The following ARHGEF10 variants were observed in gnomAD, a reference collection of about 807,000 sequenced individuals.
ARHGEF10 encodes Rho guanine nucleotide exchange factor 10, also known as Rho guanine nucleotide exchange factor (GEF) 10.
ARHGEF10 carries 140 observed loss-of-function variants against 147.4 expected under a neutral mutation model. The observed-to-expected ratio is 0.95, with a 90% CI of 0.83 to 1.09. The LOEUF (loss-of-function observed/expected upper bound fraction) is 1.09. Ranked by LOEUF, ARHGEF10 falls within the 50% of genes least tolerant of loss-of-function variation. The probability of loss-of-function intolerance (pLI) is 0.00; values close to 1 mark genes in which losing one functional copy is unlikely to be tolerated. For missense variants in ARHGEF10, 2,222 were observed against 1,752.7 expected (o/e 1.27, Z -4.78); for synonymous variants, 902 against 695.8 (o/e 1.30, Z -4.67).
chr8:1,830,296 T>TCATTTCCC (rs1563144799), intron 1 of ARHGEF10, among the ~76,000 whole-genome samples: 1 of 152,180 alleles, frequency 6.6e-6, no homozygotes. Context: ...CCCAGGCGGC[T>TCATTTCCC]GTCCTTGGTG....
intron 8 of ARHGEF10, among the ~76,000 whole-genome samples, chr8:1,877,237 CT>C (rs989170523): frequency 1.3e-5 from 2 of 151,786 alleles, no homozygotes; most frequent in African/African-American, 4.8e-5. Flanking sequence ...TTTTCTTTTT[CT>C]TTTTTTTGAG....
intron 2 of ARHGEF10, among the ~76,000 whole-genome samples, chr8:1,854,719 AAGTG>A (rs1805418834): frequency 6.6e-6 from 1 of 152,128 alleles, no homozygotes; most frequent in Non-Finnish European, 1.5e-5. Flanking sequence ...CTAGGGGAAA[AAGTG>A]AGTTATTTTG....
In ARHGEF10 at chr8:1,882,622, C is replaced by G; in HGVS notation, c.961-13C>G. The G allele has an allele frequency of 2.6e-6, 4 of 1,549,970 alleles. No individual in the cohort carries two copies. The highest frequency in any genetic ancestry group is 1.4e-5 in the African/African-American group (1 of 73,188). The stretch of plus-strand genomic sequence containing the variant: ...GCCGCCGTCCCGTTCTCACATCTCC[C>G]TCTCCGTCGCAGATGCAGAAGCTCG... On this transcript the variant is annotated splice_polypyrimidine_tract_variant and intron_variant, in intron 9 of 28. Coordinates refer to ENST00000349830, the MANE Select transcript of ARHGEF10 (RefSeq NM_014629.4).
intron 4 of ARHGEF10, among the ~76,000 whole-genome samples, chr8:1,863,030 G>A (rs546542632): frequency 9.2e-5 from 14 of 152,082 alleles, no homozygotes; most frequent in African/African-American, 2.9e-4. Flanking sequence ...TGATCCGCCC[G>A]CCTCAGCCTC....
chr8:1,933,149 G>T (rs535584258), intron 25 of ARHGEF10, among the ~76,000 whole-genome samples: 2 of 152,304 alleles, frequency 1.3e-5, no homozygotes, highest in African/African-American at 4.8e-5. Context: ...CTTCAAGAAA[G>T]GGAACAAATT....
chr8:1,923,904 G>A (rs748186441), intron 21 of ARHGEF10, 30 bp downstream of exon 21: 1 of 1,601,224 alleles, frequency 6.2e-7, no homozygotes, highest in Admixed American at 1.7e-5. Context: ...GGCTGAATGA[G>A]GCATGCGGCG....
intron 1 of ARHGEF10, among the ~76,000 whole-genome samples, chr8:1,839,339 AGGGACTGTCTGGTGTG>A (rs1803803208): frequency 1.8e-4 from 6 of 34,180 alleles, no homozygotes; most frequent in African/African-American, 6.1e-4. Flanking sequence ...TGTCTGGTGT[AGGGACTGTCTGGTGTG>A]GGGACTGTCT....
At position 1,876,746 on chromosome 8, in the gene ARHGEF10, C is replaced by T; in HGVS notation, c.843+12C>T. 1.2e-6 allele frequency: 2 copies of T among 1,614,034 alleles called. No homozygotes were observed. Among genetic ancestry groups the T allele is most frequent in the Non-Finnish European group, 1.7e-6 (2 of 1,179,942 alleles). ...ACCACAAAAAGCAAGTACGTGTTCC[C>T]TGCACATGTGAGGGATGGTTCTCTC... On this transcript the variant is annotated intron_variant, in intron 8 of 28. Transcript: ENST00000349830.
rs1181158832 is a variant in ARHGEF10 at position 1,893,584 on chromosome 8, A to G, written c.1198A>G (p.Ile400Val). ...LSQQQVVRRY[I>V]LGSVVDSEKN... Reference sequence around the variant, plus strand: ...TTTCCAACAGGTTGTAAGAAGATATATACTGGGTTCAGTTGTCGACAGTGA... The same window carrying G: ...TTTCCAACAGGTTGTAAGAAGATATGTACTGGGTTCAGTTGTCGACAGTGA... Residue 400 changes from isoleucine to valine, a missense_variant, in exon 12 of 29, where the codon ATA (isoleucine) becomes GTA (valine). By Grantham distance (29) the Ile-to-Val change is conservative (BLOSUM62 3). Transcript: ENST00000349830. The G allele has an allele frequency of 3.1e-6, 5 of 1,613,480 alleles. No homozygotes were observed. In the South Asian group the frequency reaches 4.4e-5, roughly 14 times the overall value.
intron 1 of ARHGEF10, among the ~76,000 whole-genome samples, chr8:1,833,037 G>C (rs868683407): frequency 5.8e-5 from 4 of 68,670 alleles, no homozygotes; most frequent in Non-Finnish European, 9.3e-5. Context: ...CAGGCAGAGA[G>C]AGACAGAGAC....
intron 5 of ARHGEF10, 119 bp downstream of exon 5, chr8:1,864,555 TCC>T: frequency 9.8e-7 from 1 of 1,020,172 alleles, no homozygotes; most frequent in Non-Finnish European, 1.5e-6. Context: ...GCGGGAGCTG[TCC>T]CAACCCCACC....
At chr8:1,917,983 T>G (rs975121941) in intron 18 of ARHGEF10, among the ~76,000 whole-genome samples, 7 of 151,892 alleles carry the variant, frequency 4.6e-5, no homozygotes, top group African/African-American at 1.7e-4. Flanking sequence ...GGATGAGGTT[T>G]CACCATGTTG....
In ARHGEF10 at chr8:1,903,553, A is replaced by G. The variant is rs554680302; in HGVS notation, c.1821+102A>G. The G allele has an allele frequency of 4.1e-6, 6 of 1,474,124 alleles. No homozygotes were observed. In the South Asian group the frequency reaches 7.1e-5, roughly 18 times the overall value. The allele number at this position is 1,474,124 out of a possible 1,614,324, so 91.3% of individuals were successfully genotyped here. A position where few individuals can be genotyped will look rare whatever the true frequency, so the allele number is the denominator to read the frequency against. On this transcript the variant is annotated intron_variant, in intron 16 of 28. Coordinates refer to ENST00000349830, the MANE Select transcript of ARHGEF10 (RefSeq NM_014629.4). The stretch of plus-strand genomic sequence containing the variant: ...ACTAATCTTTTGGATCGTTTGGAGT[A>G]ATTCCCTTCGCCCAGAGTTCTTAAC...
At chr8:1,912,897 C>T (rs139795562) in intron 18 of ARHGEF10, among the ~76,000 whole-genome samples, 4 of 152,322 alleles carry the variant, frequency 2.6e-5, no homozygotes, top group African/African-American at 9.6e-5. Context: ...CGAGCGTGAG[C>T]CGTCAGTTGC....
At position 1,909,167 on chromosome 8, in the gene ARHGEF10, T is replaced by C. The variant is rs1410911610; in HGVS notation, c.1968-128T>C. 20 of 1,335,062 alleles carry C rather than the reference T, an allele frequency of 1.5e-5. No homozygotes were observed. In the East Asian group the frequency reaches 4.1e-4, roughly 28 times the overall value. The allele number at this position is 1,335,062 out of a possible 1,614,324, so 82.7% of individuals were successfully genotyped here. ...AAGAAAGTCAGAAGCACAATTACTA[T>C]TGTGAGAAAGTCTGAAGAGTTACAA... On this transcript the variant is annotated intron_variant, in intron 17 of 28. Coordinates refer to ENST00000349830, the MANE Select transcript of ARHGEF10 (RefSeq NM_014629.4).
intron 26 of ARHGEF10, among the ~76,000 whole-genome samples, chr8:1,936,069 T>G (rs1425775218): frequency 6.6e-6 from 1 of 152,220 alleles, no homozygotes; most frequent in Non-Finnish European, 1.5e-5. Context: ...ACCTGCATTT[T>G]TCAGCCGTGT....
In ARHGEF10 at chr8:1,869,213, C is replaced by T. The variant is rs983123738; in HGVS notation, c.642C>T (p.Tyr214=). The T allele has an allele frequency of 1.4e-5, 22 of 1,613,796 alleles. No homozygotes were observed. The highest frequency in any genetic ancestry group is 1.3e-4 in the African/African-American group (10 of 74,914). ...AWMENPEEAI[Y]DDVPRENSDS... is the part of the protein sequence containing the mutation. ...TTGCAGATCCAGAGGAAGCAATTTACGATGACGTTCCAAGGGAAAACTCAG... is the reference window on the plus strand; with the variant it reads ...TTGCAGATCCAGAGGAAGCAATTTATGATGACGTTCCAAGGGAAAACTCAG... The change falls in exon 7 of 29, where the codon TAC becomes TAT. Residue 214 remains tyrosine, a synonymous_variant. Coordinates refer to ENST00000349830, the MANE Select transcript of ARHGEF10 (RefSeq NM_014629.4).
rs535464382 is a variant in ARHGEF10 at position 1,933,817 on chromosome 8, G to C, written c.3097G>C (p.Glu1033Gln). ...CTTTTAAGATGGATCCTGGGATTCAGAACCTCAAAAAGTGATCAAGTTAGG... is the reference window on the plus strand; with the variant it reads ...CTTTTAAGATGGATCCTGGGATTCACAACCTCAAAAAGTGATCAAGTTAGG... ...ARAPDGSWDS[E>Q]PQKVIKLGVL... The change falls in exon 26 of 29, where the codon GAA (glutamate) becomes CAA (glutamine). Residue 1033 changes from glutamate (E) to glutamine (Q), a missense_variant. Coordinates refer to ENST00000349830, the MANE Select transcript of ARHGEF10 (RefSeq NM_014629.4). 6.2e-7 allele frequency: 1 copy of C among 1,614,202 alleles called. No homozygotes were observed. Among genetic ancestry groups the C allele is most frequent in the South Asian group, 1.1e-5 (1 of 91,088 alleles).
intron 4 of ARHGEF10, among the ~76,000 whole-genome samples, chr8:1,860,524 C>CTCCTCCTCCTCTCCA (rs1235978973): frequency 1.3e-5 from 2 of 152,180 alleles, no homozygotes; most frequent in African/African-American, 2.4e-5. Context: ...GACCTTCCCC[C>CTCCTCCTCCTCTCCA]TGCCCCCACC....
Sources: gnomAD v4.1 joint callset for allele counts (sites outside exome capture counted in the v4.1 genomes callset) on GRCh38, gnomAD v4.1.1 for gene constraint, MANE v1.5 for transcripts, NCBI Gene and HGNC (gene_info 2026-07-23, HGNC 2026-07-21) for gene names.